Variants in SDK2 observed in about 807,000 individuals in gnomAD.
SDK2 encodes protein sidekick-2.
Under a neutral mutation model 253.9 loss-of-function variants are expected in SDK2, and 105 were observed. The ratio of observed to expected loss-of-function variants is 0.41; its 90% CI spans 0.35 to 0.49. SDK2 has a LOEUF of 0.49. Among genes scored for constraint, SDK2 ranks in the 20% least tolerant of loss-of-function variants. The probability of loss-of-function intolerance (pLI) is 0.06; values close to 1 mark genes in which losing one functional copy is unlikely to be tolerated. For missense variants in SDK2, 2,608 were observed against 3,003.0 expected, an observed-to-expected ratio of 0.87 and a Z score of 3.07; for synonymous variants, 1,249 against 1,234.9, an observed-to-expected ratio of 1.01 and a Z score of -0.24.
chr17:73,549,895 G>A (rs958540893), intron 1 of SDK2, among the ~76,000 whole-genome samples: 1 of 152,190 alleles, frequency 6.6e-6, no homozygotes, highest in Non-Finnish European at 1.5e-5. Flanking sequence ...AGTGGGGAAC[G>A]CCAAGTGGGA....
intron 1 of SDK2, among the ~76,000 whole-genome samples, chr17:73,515,389 A>C (rs904177742): frequency 6.6e-6 from 1 of 152,216 alleles, no homozygotes; most frequent in Non-Finnish European, 1.5e-5. Context: ...CGCAGCATTC[A>C]TACTCCAGCC....
chr17:73,357,142 G>A (rs1281112669), intron 40 of SDK2, among the ~76,000 whole-genome samples: 2 of 152,220 alleles, frequency 1.3e-5, no homozygotes, highest in African/African-American at 4.8e-5. Context: ...ATGCAACTGC[G>A]ATTATTAGCA....
At chr17:73,528,593 C>T (rs2064144719) in intron 1 of SDK2, among the ~76,000 whole-genome samples, 1 of 152,160 alleles carries the variant, frequency 6.6e-6, no homozygotes, top group Non-Finnish European at 1.5e-5. Context: ...CTCACTAAGC[C>T]CCAGGTGAAC....
At chr17:73,350,865 CCTA>C in intron 41 of SDK2, 75 bp from the exon 42 acceptor site, 3 of 1,459,198 alleles carry the variant, frequency 2.1e-6, no homozygotes, top group Non-Finnish European at 2.8e-6. Flanking sequence ...CAGTTGGGAC[CCTA>C]CTAACTGCTA....
chr17:73,596,835 T>C (rs1164199725), intron 1 of SDK2, among the ~76,000 whole-genome samples: 1 of 152,162 alleles, frequency 6.6e-6, no homozygotes, highest in African/African-American at 2.4e-5. Flanking sequence ...GCTGGCGGTG[T>C]CTGAGCAAAA....
intron 1 of SDK2, among the ~76,000 whole-genome samples, chr17:73,636,209 C>A (rs369412374): frequency 4.6e-5 from 7 of 152,040 alleles, no homozygotes; most frequent in African/African-American, 1.7e-4. Context: ...AACTTCCCCG[C>A]TAGAAGGTCT....
At chr17:73,363,077 G>A (rs970946753) in intron 38 of SDK2, among the ~76,000 whole-genome samples, 2 of 152,202 alleles carry the variant, frequency 1.3e-5, no homozygotes, top group Non-Finnish European at 2.9e-5. Flanking sequence ...TATTGACTAA[G>A]TGGATTACTA....
intron 1 of SDK2, among the ~76,000 whole-genome samples, chr17:73,559,364 C>T (rs577293162): frequency 8.5e-5 from 13 of 152,250 alleles, no homozygotes; most frequent in South Asian, 6.2e-4. Context: ...GGACAATGTA[C>T]GCAAGACTGT....
intron 40 of SDK2, among the ~76,000 whole-genome samples, chr17:73,355,174 A>ATATATATATATATTTT: frequency 2.1e-4 from 10 of 47,234 alleles, no homozygotes; most frequent in Non-Finnish European, 3.4e-5. Flanking sequence ...ATATATATAT[A>ATATATATATATATTTT]TTTTTTTTTT....
intron 2 of SDK2, among the ~76,000 whole-genome samples, chr17:73,502,910 C>G (rs2063901426): frequency 6.6e-6 from 1 of 152,226 alleles, no homozygotes. Context: ...ACCAGTTCAT[C>G]AAACCTAACA....
At position 73,422,321 on chromosome 17, in the gene SDK2, C is replaced by T. The variant is rs376007378; in HGVS notation, c.2011G>A (p.Val671Met). 41 of 1,613,876 alleles carry T rather than the reference C, an allele frequency of 2.5e-5. No homozygotes were observed. The highest frequency in any genetic ancestry group is 3.1e-5 in the Non-Finnish European group (37 of 1,179,904). The change falls in exon 15 of 45, where the codon GTG (valine) becomes ATG (methionine). Residue 671 changes from valine (V) to methionine (M), a missense_variant. By Grantham distance (21) the Val-to-Met change is conservative. This residue lies in a region of SDK2 where 1,505 missense variants were observed against 1,859.1 expected (regional missense o/e 0.81). Coordinates refer to ENST00000392650, the MANE Select transcript of SDK2 (RefSeq NM_001144952.2). ...YQFRLCAVND[V>M]GKGQFSKDTE... ...TCTTTGCTGAACTGTCCTTTCCCCA[C>T]GTCGTTGACGGCACAAAGACGGAAC...
chr17:73,382,058 T>C lies in SDK2; in HGVS notation c.4706-1108A>G, dbSNP rs141427712. On this transcript the variant is annotated intron_variant, in intron 33 of 44. Transcript: ENST00000392650. ...GGTGAAACCCCGTTTCTACTAAAAT[T>C]ACAAAAAATTAGCTGGGCGTGGTAG... 2.7e-3 allele frequency among the ~76,000 whole-genome samples: 416 copies of C among 151,424 alleles called. 1 individual carries two copies. The highest frequency in any genetic ancestry group is 4.8e-3 in the Non-Finnish European group (324 of 67,862).
chr17:73,483,101 C>A lies in SDK2; in HGVS notation c.225-10883G>T, dbSNP rs555880802. Among the ~76,000 whole-genome samples the A allele has an allele frequency of 3.6e-4, 54 of 152,098 alleles. No individual in the cohort carries two copies. In the South Asian group the frequency reaches 3.9e-3, roughly 11 times the overall value. On this transcript the variant is annotated intron_variant, in intron 2 of 44. Coordinates refer to ENST00000392650, the MANE Select transcript of SDK2 (RefSeq NM_001144952.2). ...TGCCCTATACCTGCCCGCCCTGACC[C>A]GTCCTGGGGCCCTCAAGACTGCTCT...
chr17:73,479,092 T>C (rs539559438), intron 2 of SDK2, among the ~76,000 whole-genome samples: 14 of 152,392 alleles, frequency 9.2e-5, no homozygotes, highest in African/African-American at 2.6e-4. Flanking sequence ...CATGTTTGGA[T>C]GAGGCCTCCT....
rs1354642321 is a variant in SDK2, at chr17:73,390,294, C to T, written c.4185G>A (p.Glu1395=). 6.3e-7 allele frequency: 1 copy of T among 1,582,044 alleles called. No homozygotes were observed. The highest frequency in any genetic ancestry group is 2.3e-5 in the East Asian group (1 of 44,436). Residue 1395 remains glutamate (E), a synonymous_variant, in exon 29 of 45, where the codon GAG becomes GAA. Coordinates refer to ENST00000392650, the MANE Select transcript of SDK2 (RefSeq NM_001144952.2). ...GCCCCCGTGGGCAGTCACCTCTCTT[C>T]TCGGTGGTCACCACCAAGGCCTCGG... ...EAAEALVVTT[E]KRDRPQPPSR...
rs543265487 is a variant in SDK2 at position 73,366,010 on chromosome 17, C to T, written c.5168-615G>A. On this transcript the variant is annotated intron_variant, in intron 37 of 44. Transcript: ENST00000392650. ...AACCCCAAAATCATGGGGGTGGGGG[C>T]TCCCCTGATGGGGAGGACAGAGGAA... Among the ~76,000 whole-genome samples, 8 of 152,266 alleles carry T rather than the reference C, an allele frequency of 5.3e-5. No homozygotes were observed. The South Asian group carries it at 1.7e-3, about 32-fold the overall frequency.
At chr17:73,495,088 G>A (rs985977895) in intron 2 of SDK2, among the ~76,000 whole-genome samples, 15 of 152,220 alleles carry the variant, frequency 9.9e-5, no homozygotes, top group South Asian at 2.1e-4. Context: ...AGCAGGAAGC[G>A]CCTTCTAGTT....
At chr17:73,458,832 C>T (rs370983943) in intron 3 of SDK2, among the ~76,000 whole-genome samples, 6 of 152,186 alleles carry the variant, frequency 3.9e-5, no homozygotes, top group South Asian at 2.1e-4. Context: ...GGTGAAACCC[C>T]GTCTACACTA....
chr17:73,598,984 A>G (rs1315543634), intron 1 of SDK2, among the ~76,000 whole-genome samples: 2 of 152,258 alleles, frequency 1.3e-5, no homozygotes, highest in Non-Finnish European at 2.9e-5. Flanking sequence ...CAGATCCCCA[A>G]TAGATGAGAG....
Sources: gnomAD v4.1 joint callset for allele counts (sites outside exome capture counted in the v4.1 genomes callset) on GRCh38, gnomAD v4.1.1 for gene constraint, gnomAD v4.1.1 regional missense constraint, MANE v1.5 for transcripts, NCBI Gene and HGNC (gene_info 2026-07-23, HGNC 2026-07-21) for gene names.